The following CNTNAP2 variants were observed in gnomAD, a reference collection of about 807,000 sequenced individuals.
CNTNAP2 encodes the protein contactin-associated protein-like 2.
Under a neutral mutation model 155.2 loss-of-function variants are expected in CNTNAP2, and 98 were observed. The ratio of observed to expected loss-of-function variants is 0.63; its 90% CI spans 0.54 to 0.75. CNTNAP2 has a LOEUF of 0.75. Ranked by LOEUF, CNTNAP2 falls within the 30% of genes least tolerant of loss-of-function variation. The probability of loss-of-function intolerance (pLI) is 0.00; values close to 1 mark genes in which losing one functional copy is unlikely to be tolerated. For synonymous variants in CNTNAP2, 651 were observed against 631.2 expected, an observed-to-expected ratio of 1.03 and a Z score of -0.47; for missense variants, 1,727 against 1,688.1, an observed-to-expected ratio of 1.02 and a Z score of -0.40.
intron 13 of CNTNAP2, among the ~76,000 whole-genome samples, chr7:147,832,055 T>C (rs572518210): frequency 5.7e-4 from 86 of 151,256 alleles, no homozygotes; most frequent in African/African-American, 2.0e-3. Context: ...CCTCATCTTA[T>C]CTCTTGATGG....
At chr7:146,638,476 CTTTTT>C (rs879600389) in intron 1 of CNTNAP2, among the ~76,000 whole-genome samples, 2,898 of 64,334 alleles carry the variant, frequency 0.045, 41 homozygotes, top group Middle Eastern at 0.11. Context: ...TCAGGTGTTT[CTTTTT>C]TTTTTTTTTT....
chr7:146,959,315 T>C (rs1185872130), intron 3 of CNTNAP2, among the ~76,000 whole-genome samples: 1 of 152,152 alleles, frequency 6.6e-6, no homozygotes, highest in Non-Finnish European at 1.5e-5. Flanking sequence ...ATCATGACTT[T>C]TATAACCTGT....
rs552387135 is a variant in CNTNAP2 at position 147,221,729 on chromosome 7, T to C, written c.1349-78412T>C. On this transcript the variant is annotated intron_variant, in intron 8 of 23. Coordinates refer to ENST00000361727, the MANE Select transcript of CNTNAP2 (RefSeq NM_014141.6). ...TTTGAGATTTTGACCTATATCATTT[T>C]CCTTGTCTCCAAATGACTTAGGATG... Among the ~76,000 whole-genome samples, 116 of 152,372 alleles carry C rather than the reference T, an allele frequency of 7.6e-4. 1 individual carries two copies. Among genetic ancestry groups the C allele is most frequent in the African/African-American group, 2.5e-3 (104 of 41,594 alleles).
At chr7:147,507,714 G>A (rs781287598) in intron 11 of CNTNAP2, among the ~76,000 whole-genome samples, 5 of 151,434 alleles carry the variant, frequency 3.3e-5, no homozygotes, top group East Asian at 1.9e-4. Flanking sequence ...CACCACGCGC[G>A]GCTAATTTTT....
intron 3 of CNTNAP2, among the ~76,000 whole-genome samples, chr7:146,939,390 A>T (rs1038169961): frequency 1.3e-5 from 2 of 152,182 alleles, no homozygotes; most frequent in African/African-American, 4.8e-5. Flanking sequence ...TAAATTCAAA[A>T]TTGCCTCTCA....
intron 3 of CNTNAP2, among the ~76,000 whole-genome samples, chr7:146,944,761 C>T (rs1288573396): frequency 1.3e-5 from 2 of 151,996 alleles, no homozygotes; most frequent in East Asian, 3.9e-4. Flanking sequence ...GCCTGTAGTC[C>T]CAGCTACTCG....
intron 10 of CNTNAP2, among the ~76,000 whole-genome samples, chr7:147,469,375 T>C (rs1798173147): frequency 6.6e-6 from 1 of 152,074 alleles, no homozygotes; most frequent in African/African-American, 2.4e-5. Context: ...AGGATGAAAT[T>C]CATTCAAAAA....
At chr7:146,533,689 A>C (rs956892005) in intron 1 of CNTNAP2, among the ~76,000 whole-genome samples, 1 of 152,136 alleles carries the variant, frequency 6.6e-6, no homozygotes, top group Non-Finnish European at 1.5e-5. Context: ...GAGTCCTCTC[A>C]GTCCATCTGT....
chr7:147,876,940 C>T (rs1337338189), intron 13 of CNTNAP2, among the ~76,000 whole-genome samples: 4 of 151,744 alleles, frequency 2.6e-5, no homozygotes, highest in Non-Finnish European at 5.9e-5. Context: ...GGGCTGGTGT[C>T]GGGTGATTTC....
chr7:146,281,409 T>G (rs1158118256), intron 1 of CNTNAP2, among the ~76,000 whole-genome samples: 1 of 152,196 alleles, frequency 6.6e-6, no homozygotes, highest in African/African-American at 2.4e-5. Flanking sequence ...TTTTAACTAA[T>G]TGAACACTTA....
chr7:147,176,646 A>T (rs1423154369), intron 8 of CNTNAP2, among the ~76,000 whole-genome samples: 1 of 137,218 alleles, frequency 7.3e-6, no homozygotes, highest in Non-Finnish European at 1.5e-5. Flanking sequence ...TATAATATTT[A>T]TAATATAATA....
intron 22 of CNTNAP2, 141 bp from the exon 23 acceptor site, chr7:148,409,250 G>A: frequency 1.4e-6 from 1 of 705,484 alleles, no homozygotes; most frequent in South Asian, 1.6e-5. Flanking sequence ...GGGAGACAAT[G>A]GCAAGACGGG....
chr7:147,520,255 A>G lies in CNTNAP2; in HGVS notation c.1777+34214A>G, dbSNP rs567585780. ...TGTATTTCCATAGTATTTCAGATCA[A>G]AGATACTGAAGGGAACTTAACTGCA... On this transcript the variant is annotated intron_variant, in intron 11 of 23. Coordinates refer to ENST00000361727, the MANE Select transcript of CNTNAP2 (RefSeq NM_014141.6). Among the ~76,000 whole-genome samples, 8 of 152,310 alleles carry G rather than the reference A, an allele frequency of 5.3e-5. No individual in the cohort carries two copies. The South Asian group carries it at 1.0e-3, about 20-fold the overall frequency.
At chr7:147,838,913 G>C (rs1174039281) in intron 13 of CNTNAP2, among the ~76,000 whole-genome samples, 1 of 152,024 alleles carries the variant, frequency 6.6e-6, no homozygotes, top group Admixed American at 6.6e-5. Context: ...TCTCTAGAGG[G>C]ACAGAACTGA....
intron 1 of CNTNAP2, among the ~76,000 whole-genome samples, chr7:146,349,556 CCTA>C: frequency 6.6e-6 from 1 of 152,264 alleles, no homozygotes; most frequent in Non-Finnish European, 1.5e-5. Context: ...CAGTTTTCTT[CCTA>C]GCCTTGATGG....
rs1459746558 is a variant in CNTNAP2 at position 147,639,287 on chromosome 7, A to G, written c.2079A>G (p.Ser693=). The change falls in exon 13 of 24, where the codon TCA becomes TCG. Residue 693 remains serine, a synonymous_variant. Coordinates refer to ENST00000361727, the MANE Select transcript of CNTNAP2 (RefSeq NM_014141.6). ...EQYVSYFCKM[S]RLLNTPDGSP... is the part of the protein sequence containing the mutation. Reference sequence around the variant, plus strand: ...ATGTCTCCTATTTCTGCAAGATGTCAAGATTGTTGAACACCCCAGGTAGGC... The same window carrying G: ...ATGTCTCCTATTTCTGCAAGATGTCGAGATTGTTGAACACCCCAGGTAGGC... The G allele has an allele frequency of 1.2e-6, 2 of 1,614,072 alleles. No individual in the cohort carries two copies. Among genetic ancestry groups the G allele is most frequent in the Non-Finnish European group, 1.7e-6 (2 of 1,179,984 alleles).
chr7:147,593,214 T>C (rs1056719308), intron 12 of CNTNAP2, among the ~76,000 whole-genome samples: 18 of 93,172 alleles, frequency 1.9e-4, no homozygotes, highest in Admixed American at 3.9e-4. Context: ...CTTCCCTTAT[T>C]TTTTTTTTTT....
At chr7:146,352,665 A>C (rs1794931404) in intron 1 of CNTNAP2, among the ~76,000 whole-genome samples, 1 of 145,674 alleles carries the variant, frequency 6.9e-6, no homozygotes, top group South Asian at 2.2e-4. Flanking sequence ...CATCTTTGGG[A>C]GATTTATTAT....
At chr7:147,013,056 C>T (rs1408110334) in intron 3 of CNTNAP2, among the ~76,000 whole-genome samples, 2 of 151,972 alleles carry the variant, frequency 1.3e-5, no homozygotes, top group South Asian at 2.1e-4. Context: ...CAAGCATAAT[C>T]CAAATATGTG....
Sources: allele counts gnomAD v4.1 joint callset (sites outside exome capture counted in the v4.1 genomes callset), GRCh38; gene constraint gnomAD v4.1.1; transcripts MANE v1.5; gene names NCBI Gene and HGNC (gene_info 2026-07-23, HGNC 2026-07-21).